HSF2BP: variants seen among roughly 807,000 people sequenced by gnomAD.
The protein encoded by HSF2BP is heat shock factor 2-binding protein.
A neutral mutation model predicts 35.0 loss-of-function variants in HSF2BP; 35 were observed. That is an observed-to-expected ratio of 1.00 (90% CI 0.76 to 1.32). The LOEUF (loss-of-function observed/expected upper bound fraction) is 1.32, where lower values mean the gene tolerates loss of function less well. Ranked by LOEUF, HSF2BP falls within the 40% of genes most tolerant of loss-of-function variation. The probability of loss-of-function intolerance (pLI) is 0.00; values close to 1 mark genes in which losing one functional copy is unlikely to be tolerated. For synonymous variants in HSF2BP, 114 were observed against 117.4 expected, an observed-to-expected ratio of 0.97 and a Z score of 0.18; for missense variants, 326 against 321.7, an observed-to-expected ratio of 1.01 and a Z score of -0.10.
chr21:43,657,969 G>A, intron 2 of HSF2BP, 92 bp downstream of exon 2: 4 of 1,525,670 alleles, frequency 2.6e-6, no homozygotes, highest in South Asian at 1.2e-5. Flanking sequence ...ACGCGACAGC[G>A]AGCCGTCTCC....
At position 43,577,426 on chromosome 21, in the gene HSF2BP, G is replaced by A. The variant is rs549995188; in HGVS notation, c.796+14799C>T. On this transcript the variant is annotated intron_variant, in intron 8 of 8. Transcript: ENST00000291560. ...AACTTCAGCTCAAAGTGGCTTAAAC[G>A]TAATCACATTTATTATTTCTTAAAA... is the stretch of plus-strand genomic sequence containing the variant. Among the ~76,000 whole-genome samples the A allele has an allele frequency of 3.3e-5, 5 of 152,274 alleles. No individual in the cohort carries two copies. In the East Asian group the frequency reaches 5.8e-4, roughly 18 times the overall value.
At chr21:43,599,630 C>T (rs1204935380) in intron 7 of HSF2BP, among the ~76,000 whole-genome samples, 3 of 151,798 alleles carry the variant, frequency 2.0e-5, no homozygotes, top group African/African-American at 4.8e-5. Flanking sequence ...CTCATCTCTA[C>T]TAAAAATACA....
chr21:43,636,894 CAAAAAA>C (rs34578952), intron 4 of HSF2BP, among the ~76,000 whole-genome samples: 3 of 112,040 alleles, frequency 2.7e-5, no homozygotes, highest in Non-Finnish European at 1.8e-5. Flanking sequence ...CGTCTCAAAA[CAAAAAA>C]AAAAAAAAAA....
At chr21:43,625,550 G>C (rs1313970095) in intron 6 of HSF2BP, among the ~76,000 whole-genome samples, 1 of 150,650 alleles carries the variant, frequency 6.6e-6, no homozygotes, top group African/African-American at 2.4e-5. Flanking sequence ...ACTGCAAAAA[G>C]GTTTAAAAAA....
At chr21:43,634,772 G>A (rs1009160878) in intron 4 of HSF2BP, among the ~76,000 whole-genome samples, 18 of 152,196 alleles carry the variant, frequency 1.2e-4, no homozygotes, top group African/African-American at 4.3e-4. Flanking sequence ...TCAGCTCCGG[G>A]TTTTTAATGT....
chr21:43,505,407 GC>G, the HSF2BP span, among the ~76,000 whole-genome samples: 1 of 111,846 alleles, frequency 8.9e-6, no homozygotes, highest in African/African-American at 4.0e-5. Context: ...TGTCGCTGTG[GC>G]CTTCGCTCAC....
intron 8 of HSF2BP, among the ~76,000 whole-genome samples, chr21:43,588,639 G>T (rs984857348): frequency 6.6e-6 from 1 of 152,108 alleles, no homozygotes; most frequent in East Asian, 1.9e-4. Context: ...TGTAACAAAC[G>T]TAACACACTT....
At chr21:43,620,567 C>T (rs62226869) in intron 6 of HSF2BP, among the ~76,000 whole-genome samples, 2 of 152,118 alleles carry the variant, frequency 1.3e-5, no homozygotes, top group African/African-American at 2.4e-5. Context: ...CTGTGGTGAT[C>T]GCCTGTAGTC....
chr21:43,657,873 C>A, intron 2 of HSF2BP, 188 bp downstream of exon 2: 3 of 985,472 alleles, frequency 3.0e-6, no homozygotes, highest in Non-Finnish European at 3.6e-6. Flanking sequence ...GGTTTGGAGG[C>A]GAAGTCGCCT....
At chr21:43,595,309 C>T (rs1168468886) in intron 7 of HSF2BP, among the ~76,000 whole-genome samples, 2 of 151,862 alleles carry the variant, frequency 1.3e-5, no homozygotes. Flanking sequence ...AAAGATATAT[C>T]AAACAAATAC....
At chr21:43,573,188 T>C (rs1455821695) in intron 8 of HSF2BP, among the ~76,000 whole-genome samples, 2 of 152,210 alleles carry the variant, frequency 1.3e-5, no homozygotes, top group African/African-American at 4.8e-5. Context: ...CTCCCCTGTC[T>C]ACTAGCTCTT....
chr21:43,649,359 G>C (rs1019880227), intron 3 of HSF2BP, among the ~76,000 whole-genome samples: 1 of 151,968 alleles, frequency 6.6e-6, no homozygotes, highest in African/African-American at 2.4e-5. Context: ...CATGAACCAG[G>C]AAGGCTGGGG....
At chr21:43,587,439 G>A (rs2081866224) in intron 8 of HSF2BP, among the ~76,000 whole-genome samples, 1 of 152,034 alleles carries the variant, frequency 6.6e-6, no homozygotes, top group Admixed American at 6.5e-5. Context: ...GCTGAGGCGG[G>A]CAGATCACCT....
At chr21:43,628,113 G>A (rs1183877065) in intron 6 of HSF2BP, among the ~76,000 whole-genome samples, 1 of 152,106 alleles carries the variant, frequency 6.6e-6, no homozygotes, top group Non-Finnish European at 1.5e-5. Context: ...CTGAAATTCG[G>A]ACAGTTAATA....
intron 4 of HSF2BP, among the ~76,000 whole-genome samples, chr21:43,636,216 A>AAG (rs2082553718): frequency 4.0e-5 from 2 of 50,330 alleles, no homozygotes; most frequent in Admixed American, 2.1e-4. Context: ...AAGAAAAGAA[A>AAG]AGAAAAGAAA....
intron 3 of HSF2BP, among the ~76,000 whole-genome samples, chr21:43,650,480 C>T (rs911207182): frequency 7.2e-5 from 11 of 152,116 alleles, no homozygotes; most frequent in Admixed American, 3.3e-4. Context: ...GCTGGGATTA[C>T]AGGCATGAGC....
intron 4 of HSF2BP, among the ~76,000 whole-genome samples, chr21:43,634,746 T>G (rs748251920): frequency 6.6e-5 from 10 of 152,240 alleles, no homozygotes; most frequent in Non-Finnish European, 1.2e-4. Context: ...ATGCTAATAC[T>G]GCATCATGTG....
chr21:43,622,952 T>G (rs2082347349), intron 6 of HSF2BP, among the ~76,000 whole-genome samples: 1 of 147,528 alleles, frequency 6.8e-6, no homozygotes, highest in African/African-American at 2.5e-5. Context: ...ATTCAAAAAG[T>G]AGAATCATAT....
intron 4 of HSF2BP, among the ~76,000 whole-genome samples, chr21:43,637,881 C>T (rs1490430995): frequency 6.6e-6 from 1 of 151,912 alleles, no homozygotes. Flanking sequence ...TTTATAAACG[C>T]ATCTGCAAAA....
Sources: allele counts gnomAD v4.1 joint callset (sites outside exome capture counted in the v4.1 genomes callset), GRCh38; gene constraint gnomAD v4.1.1; transcripts MANE v1.5; gene names NCBI Gene and HGNC (gene_info 2026-07-23, HGNC 2026-07-21).